DENND2B: variants seen among roughly 807,000 people sequenced by gnomAD.
DENND2B encodes DENN domain containing 2B, also known as DENN domain-containing protein 2B.
In DENND2B, 32 loss-of-function variants were observed where a neutral mutation model predicts 116.0. The ratio of observed to expected loss-of-function variants is 0.28; its 90% CI spans 0.21 to 0.37. DENND2B has a LOEUF of 0.37. DENND2B is among the 10% of genes least tolerant of loss of function. The probability of loss-of-function intolerance (pLI) is 1.00; values close to 1 mark genes in which losing one functional copy is unlikely to be tolerated. For missense variants in DENND2B, 1,276 were observed against 1,477.7 expected, an observed-to-expected ratio of 0.86 and a Z score of 2.24; for synonymous variants, 588 against 583.9, an observed-to-expected ratio of 1.01 and a Z score of -0.10.
intron 1 of DENND2B, among the ~76,000 whole-genome samples, chr11:8,802,427 G>T (rs2060435231): frequency 6.6e-6 from 1 of 152,184 alleles, no homozygotes; most frequent in African/African-American, 2.4e-5. Context: ...TTGGCATTTA[G>T]GCTTTGTTAC....
chr11:8,830,263 C>T (rs1467884352), intron 4 of DENND2B, among the ~76,000 whole-genome samples: 1 of 152,206 alleles, frequency 6.6e-6, no homozygotes, highest in Non-Finnish European at 1.5e-5. Context: ...CGCCGTGACA[C>T]TGGAGTGAAC....
rs2042789246 is a variant in DENND2B, at chr11:8,707,394, GCA to G, written c.2431-171_2431-170del. 1 of 882,604 alleles carries G rather than the reference GCA, an allele frequency of 1.1e-6. No individual in the cohort carries two copies. Among genetic ancestry groups the G allele is most frequent in the African/African-American group, 1.7e-5 (1 of 59,182 alleles). The allele number at this position is 882,604 out of a possible 1,614,324, so 54.7% of individuals were successfully genotyped here. A position where few individuals can be genotyped will look rare whatever the true frequency, so the allele number is the denominator to read the frequency against. ...CACTCTACCCTTCCCGTTTTCCTTGGCACTCAGTGACTCCTCTGTTCCCTAAC... is the reference window on the plus strand; with the variant it reads ...CACTCTACCCTTCCCGTTTTCCTTGGCTCAGTGACTCCTCTGTTCCCTAAC... On this transcript the variant is annotated intron_variant, in intron 12 of 19. Coordinates refer to ENST00000313726, the MANE Select transcript of DENND2B (RefSeq NM_213618.2). This position sits in a 1 kb window ranked among gnomAD's most constrained non-coding sequence, Gnocchi z 4.8.
intron 1 of DENND2B, chr11:8,809,260 G>A (rs988041373): frequency 3.3e-5 from 5 of 152,202 alleles, no homozygotes; most frequent in African/African-American, 1.2e-4. Flanking sequence ...CTGGGGACAT[G>A]GCCAGTGCTT....
At chr11:8,838,365 T>C (rs1211670747) in intron 4 of DENND2B, among the ~76,000 whole-genome samples, 2 of 152,218 alleles carry the variant, frequency 1.3e-5, no homozygotes, top group African/African-American at 2.4e-5. Flanking sequence ...CTAGTAACAC[T>C]GCAGGGATTA....
intron 1 of DENND2B, among the ~76,000 whole-genome samples, chr11:8,754,026 C>CGT (rs758619314): frequency 0.019 from 1,531 of 79,864 alleles, 23 homozygotes; most frequent in Middle Eastern, 0.091. Context: ...ACACCAAAAG[C>CGT]GCGCACACAC....
At chr11:8,870,669 C>T (rs941387639) in intron 2 of DENND2B, among the ~76,000 whole-genome samples, 9 of 152,040 alleles carry the variant, frequency 5.9e-5, no homozygotes, top group Non-Finnish European at 1.2e-4. Flanking sequence ...CGCTCGGCAC[C>T]AGGCAGCTCT....
chr11:8,893,781 A>G (rs1450362670), intron 1 of DENND2B, among the ~76,000 whole-genome samples: 3 of 152,184 alleles, frequency 2.0e-5, no homozygotes, highest in Non-Finnish European at 4.4e-5. Context: ...TTCCATGCTC[A>G]TGGATAGGAA....
In DENND2B at chr11:8,707,368, AC is replaced by A. The variant is rs2042784513; in HGVS notation, c.2431-144del. The A allele has an allele frequency of 4.6e-6, 5 of 1,085,958 alleles. No individual in the cohort carries two copies. Among genetic ancestry groups the A allele is most frequent in the Non-Finnish European group, 6.4e-6 (5 of 779,170 alleles). 67.3% of individuals were successfully genotyped at this position (1,085,958 alleles called of 1,614,324 possible). ...GGAAGGTGGTCTTGCCATGATCTGC[AC>A]ACTCTACCCTTCCCGTTTTCCTTGG... On this transcript the variant is annotated intron_variant, in intron 12 of 19. Transcript: ENST00000313726. The surrounding 1 kb of genome is among the most constrained non-coding windows in gnomAD (Gnocchi z 4.8).
At chr11:8,838,088 A>C (rs528489825) in intron 4 of DENND2B, among the ~76,000 whole-genome samples, 1 of 152,248 alleles carries the variant, frequency 6.6e-6, no homozygotes, top group African/African-American at 2.4e-5. Flanking sequence ...TTTTCTTACC[A>C]CGTTTTATAC....
chr11:8,794,216 T>A (rs1021687373), intron 1 of DENND2B, among the ~76,000 whole-genome samples: 1 of 152,216 alleles, frequency 6.6e-6, no homozygotes, highest in African/African-American at 2.4e-5. Context: ...AGTTTCAGTG[T>A]TACATACACA....
chr11:8,904,897 TAAAG>T (rs2064216374), intron 1 of DENND2B, among the ~76,000 whole-genome samples: 1 of 151,976 alleles, frequency 6.6e-6, no homozygotes, highest in Admixed American at 6.5e-5. Flanking sequence ...GTAAAAAAAA[TAAAG>T]AAAACTGAAA....
intron 3 of DENND2B, 72 bp from the exon 4 acceptor site, chr11:8,726,281 G>GC: frequency 6.5e-7 from 1 of 1,537,930 alleles, no homozygotes; most frequent in East Asian, 2.3e-5. Context: ...AATGTCCATG[G>GC]CAACAGCAAA....
chr11:8,867,373 T>C (rs1443580834), intron 2 of DENND2B, among the ~76,000 whole-genome samples: 1 of 152,092 alleles, frequency 6.6e-6, no homozygotes, highest in Non-Finnish European at 1.5e-5. Context: ...TGTGGAGGGG[T>C]AGGAAGACCT....
chr11:8,904,740 G>GA (rs2134766420), intron 1 of DENND2B, among the ~76,000 whole-genome samples: 1 of 152,160 alleles, frequency 6.6e-6, no homozygotes, highest in African/African-American at 2.4e-5. Context: ...ATATCAATAT[G>GA]AAAAAGTCAA....
chr11:8,766,742 C>G (rs1444077507), intron 1 of DENND2B: 1 of 1,215,422 alleles, frequency 8.2e-7, no homozygotes, highest in East Asian at 5.7e-5. Flanking sequence ...ATACAATAGT[C>G]AACTGTTGTG....
chr11:8,808,171 C>T (rs546935661), intron 1 of DENND2B: 1 of 152,362 alleles, frequency 6.6e-6, no homozygotes, highest in African/African-American at 2.4e-5. Flanking sequence ...AGAAGCCTTT[C>T]GGAGCAATAA....
intron 2 of DENND2B, among the ~76,000 whole-genome samples, chr11:8,869,069 C>T (rs991080547): frequency 6.6e-6 from 1 of 152,120 alleles, no homozygotes; most frequent in Non-Finnish European, 1.5e-5. Flanking sequence ...CCAGTGTGAC[C>T]CCGGGAAGCC....
intron 4 of DENND2B, among the ~76,000 whole-genome samples, chr11:8,838,109 T>C (rs34418236): frequency 0.22 from 33,363 of 152,108 alleles, 4,095 homozygotes; most frequent in Middle Eastern, 0.39. Flanking sequence ...TTTTTCAAAG[T>C]GACTACATAT....
chr11:8,714,689 G>A lies in DENND2B; in HGVS notation c.1863C>T (p.Asn621=), dbSNP rs1565689205. 4 of 1,614,210 alleles carry A rather than the reference G, an allele frequency of 2.5e-6. No homozygotes were observed. The highest frequency in any genetic ancestry group is 2.5e-6 in the Non-Finnish European group (3 of 1,180,040). ...TTCCTCTCTTGGCATTGTAGATGGA[G>A]TTAATTCTTTGGACAAGCTGGGTGA... ...RRIPKLVQRI[N]SIYNAKRGKK... Residue 621 remains asparagine (N), a synonymous_variant, in exon 7 of 20, where the codon AAC becomes AAT. Coordinates refer to ENST00000313726, the MANE Select transcript of DENND2B (RefSeq NM_213618.2).
Sources: allele counts gnomAD v4.1 joint callset (sites outside exome capture counted in the v4.1 genomes callset), GRCh38; gene constraint gnomAD v4.1.1; non-coding constraint Gnocchi (gnomAD v3.1); transcripts MANE v1.5; gene names NCBI Gene and HGNC (gene_info 2026-07-23, HGNC 2026-07-21).